The following HPS4 variants were observed in gnomAD, a reference collection of about 807,000 sequenced individuals.
The protein encoded by HPS4 is BLOC-3 complex member HPS4.
HPS4 carries 44 observed loss-of-function variants against 70.3 expected under a neutral mutation model. The observed-to-expected ratio is 0.63, with a 90% CI of 0.49 to 0.80. HPS4 has a LOEUF of 0.80. Among genes scored for constraint, HPS4 ranks in the 30% least tolerant of loss-of-function variants. HPS4 has a pLI of 0.00. For synonymous variants in HPS4, 377 were observed against 355.9 expected (o/e 1.06, Z -0.67); for missense variants, 873 against 884.4 (o/e 0.99, Z 0.16).
In HPS4 at chr22:26,464,393, C is replaced by T. The variant is rs370007632; in HGVS notation, c.1237G>A (p.Glu413Lys). 2 of 1,614,038 alleles carry T rather than the reference C, an allele frequency of 1.2e-6. No individual in the cohort carries two copies. The highest frequency in any genetic ancestry group is 1.3e-5 in the African/African-American group (1 of 74,924). ...GCTGTGTCCTCAGGAGGCGTGGGTT[C>T]CAGGCTGCTGGAGGCGCTGAGAGAT... ...KASLSASSSL[E>K]PTPPEDTAIS... Residue 413 changes from glutamate (E) to lysine (K), a missense_variant, in exon 11 of 14, where the codon GAA (glutamate) becomes AAA (lysine). Physicochemically the swap from Glu to Lys is moderately conservative, Grantham distance 56. Coordinates refer to ENST00000398145, the MANE Select transcript of HPS4 (RefSeq NM_022081.6).
intron 3 of HPS4, 100 bp downstream of exon 3, chr22:26,479,165 G>T: frequency 9.0e-7 from 1 of 1,112,010 alleles, no homozygotes; most frequent in Non-Finnish European, 1.4e-6. Context: ...TCATTGTCTG[G>T]ATTAGCCAAA....
At chr22:26,473,220 T>G (rs1313453460) in intron 4 of HPS4, among the ~76,000 whole-genome samples, 1 of 152,178 alleles carries the variant, frequency 6.6e-6, no homozygotes, top group Non-Finnish European at 1.5e-5. Context: ...TTTCAGTATC[T>G]CCATGAGGTC....
chr22:26,447,585 G>A (rs1011662258), downstream of HPS4, among the ~76,000 whole-genome samples: 4 of 152,142 alleles, frequency 2.6e-5, no homozygotes, highest in African/African-American at 9.7e-5. Context: ...CAGAGGCTAA[G>A]CACAGAATGA....
chr22:26,478,793 C>T (rs1192859188), intron 3 of HPS4, among the ~76,000 whole-genome samples: 1 of 151,936 alleles, frequency 6.6e-6, no homozygotes, highest in Non-Finnish European at 1.5e-5. Context: ...AAGCGATTCT[C>T]GTGCCTCAGC....
chr22:26,479,563 T>G, intron 2 of HPS4: 1 of 1,402,516 alleles, frequency 7.1e-7, no homozygotes, highest in Non-Finnish European at 9.2e-7. Context: ...AATATGCCTC[T>G]ATCCAGCCGT....
At chr22:26,466,024 A>T in intron 9 of HPS4, 1 of 1,518,060 alleles carries the variant, frequency 6.6e-7, no homozygotes, top group Non-Finnish European at 8.8e-7. Context: ...CAGGGATTTG[A>T]CAGCATGCCT....
At position 26,462,249 on chromosome 22, in the gene HPS4, C is replaced by T. The variant is rs370647353; in HGVS notation, c.1713+1668G>A. On this transcript the variant is annotated intron_variant, in intron 11 of 13. Transcript: ENST00000398145. Reference sequence around the variant, plus strand: ...CACAGAAGCCCATGGAGGCTGATGTCGTAACAGCATGGATAGACCTTGACA... The same window carrying T: ...CACAGAAGCCCATGGAGGCTGATGTTGTAACAGCATGGATAGACCTTGACA... 5.9e-5 allele frequency among the ~76,000 whole-genome samples: 9 copies of T among 152,212 alleles called. No homozygotes were observed. In the East Asian group the frequency reaches 9.6e-4, roughly 16 times the overall value.
rs2085480977 is a variant in HPS4 at position 26,453,149 on chromosome 22, A to G, written c.*84T>C. ...AAAAAAGGGAATGTTTTCAAGAAAA[A>G]TAAAATAGAGGGGCCTTTTCAATTA... On this transcript the variant is annotated 3_prime_UTR_variant, in exon 14 of 14. Transcript: ENST00000398145. The G allele has an allele frequency of 7.3e-7, 1 of 1,363,326 alleles. No individual in the cohort carries two copies. The highest frequency in any genetic ancestry group is 1.5e-5 in the African/African-American group (1 of 68,796). The allele number at this position is 1,363,326 out of a possible 1,614,324, so 84.5% of individuals were successfully genotyped here.
At chr22:26,453,578 AT>A in intron 13 of HPS4, 174 bp from the exon 14 acceptor site, 1 of 703,604 alleles carries the variant, frequency 1.4e-6, no homozygotes, top group East Asian at 2.7e-5. Context: ...TTCAGTGCCA[AT>A]ACCATCTTTC....
Position 26,453,057 on chromosome 22 carries a change from C to A in HPS4, c.*176G>T. ...GGGTCTGCCGACCTGAAGAACTAAC[C>A]CCTGCCCCCAAAACACATCCCAATC... On this transcript the variant is annotated 3_prime_UTR_variant, in exon 14 of 14. Coordinates refer to ENST00000398145, the MANE Select transcript of HPS4 (RefSeq NM_022081.6). The A allele has an allele frequency of 1.5e-6, 1 of 683,560 alleles. No individual in the cohort carries two copies. Among genetic ancestry groups the A allele is most frequent in the Non-Finnish European group, 2.5e-6 (1 of 402,410 alleles). 42.3% of individuals were successfully genotyped at this position (683,560 alleles called of 1,614,324 possible).
rs386395106 is a variant in HPS4, at chr22:26,457,210, C to CCTTTTTTTTTTTTTTTTTTTTTTTTTT, written c.1955+648_1955+649insAAAAAAAAAAAAAAAAAAAAAAAAAAG. The stretch of plus-strand genomic sequence containing the variant: ...ATGACTGTATGATCAGCACGTATTA[C>CCTTTTTTTTTTTTTTTTTTTTTTTTTT]TTTTTTTTTTTTTTTTTTTTTTCTG... On this transcript the variant is annotated intron_variant, in intron 13 of 13. Coordinates refer to ENST00000398145, the MANE Select transcript of HPS4 (RefSeq NM_022081.6). Among the ~76,000 whole-genome samples, 7 of 25,554 alleles carry CCTTTTTTTTTTTTTTTTTTTTTTTTTT rather than the reference C, an allele frequency of 2.7e-4. 2 individuals carry two copies. The highest frequency in any genetic ancestry group is 3.9e-4 in the Non-Finnish European group (3 of 7,608). The allele number at this position is 25,554 out of a possible 152,430, so 16.8% of individuals were successfully genotyped here. A position where few individuals can be genotyped will look rare whatever the true frequency, so the allele number is the denominator to read the frequency against.
intron 4 of HPS4, among the ~76,000 whole-genome samples, chr22:26,474,152 G>T (rs1476445148): frequency 6.6e-6 from 1 of 152,196 alleles, no homozygotes; most frequent in East Asian, 1.9e-4. Flanking sequence ...TAAGGTTGGA[G>T]AACTTATACT....
chr22:26,457,841 C>A lies in HPS4; in HGVS notation c.1955+18G>T, dbSNP rs149340443. On this transcript the variant is annotated intron_variant, in intron 13 of 13. Coordinates refer to ENST00000398145, the MANE Select transcript of HPS4 (RefSeq NM_022081.6). ...GGACCGTGGAGAGTAGGTTGGGGAG[C>A]GACTCAGGGAGGCTCACCTGACAGT... 39 of 1,590,038 alleles carry A rather than the reference C, an allele frequency of 2.5e-5. No homozygotes were observed. Among genetic ancestry groups the A allele is most frequent in the Non-Finnish European group, 3.1e-5 (36 of 1,158,416 alleles).
intron 11 of HPS4, among the ~76,000 whole-genome samples, chr22:26,459,298 G>C (rs1470987085): frequency 6.6e-6 from 1 of 152,216 alleles, no homozygotes; most frequent in East Asian, 1.9e-4. Context: ...ATGGGTTCAA[G>C]TACCTGTATT....
In HPS4 at chr22:26,453,078, C is replaced by T; in HGVS notation, c.*155G>A. Reference sequence around the variant, plus strand: ...TAACCCCTGCCCCCAAAACACATCCCAATCTGCAAAAGGAATAACAAAAAC... The same window carrying T: ...TAACCCCTGCCCCCAAAACACATCCTAATCTGCAAAAGGAATAACAAAAAC... On this transcript the variant is annotated 3_prime_UTR_variant, in exon 14 of 14. Coordinates refer to ENST00000398145, the MANE Select transcript of HPS4 (RefSeq NM_022081.6). 1.2e-6 allele frequency: 1 copy of T among 817,364 alleles called. No individual in the cohort carries two copies. Among genetic ancestry groups the T allele is most frequent in the Non-Finnish European group, 2.0e-6 (1 of 509,608 alleles). The allele number at this position is 817,364 out of a possible 1,614,324, so 50.6% of individuals were successfully genotyped here.
At chr22:26,483,047 A>G (rs1034981721) in intron 1 of HPS4, among the ~76,000 whole-genome samples, 3 of 152,226 alleles carry the variant, frequency 2.0e-5, no homozygotes, top group African/African-American at 2.4e-5. Flanking sequence ...CAGTTTGTTA[A>G]AAGTCTCTAG....
rs753411613 is a variant in HPS4 at position 26,479,196 on chromosome 22, T to C, written c.132+69A>G. On this transcript the variant is annotated intron_variant, in intron 3 of 13. Transcript: ENST00000398145. The stretch of plus-strand genomic sequence containing the variant: ...CCAAACTGTCCTAATGTAAACCCCA[T>C]ACTTTTGAAAAGTCACCACTTGGAG... The C allele has an allele frequency of 7.9e-4, 1,184 of 1,489,512 alleles. 2 individuals are homozygous for C. The highest frequency in any genetic ancestry group is 1.0e-3 in the Non-Finnish European group (1,098 of 1,068,158). The allele number at this position is 1,489,512 out of a possible 1,614,324, so 92.3% of individuals were successfully genotyped here.
chr22:26,455,726 T>TATA, intron 13 of HPS4, among the ~76,000 whole-genome samples: 1 of 151,690 alleles, frequency 6.6e-6, no homozygotes, highest in African/African-American at 2.4e-5. Flanking sequence ...CCCTAAAACT[T>TATA]ATAATAATAA....
chr22:26,470,098 CGCAATGGCCCTGCCTGCCCTGGGCTGTG>C (rs1569093524), intron 7 of HPS4, among the ~76,000 whole-genome samples: 1 of 152,264 alleles, frequency 6.6e-6, no homozygotes, highest in East Asian at 1.9e-4. Context: ...CCGGGCACAG[CGCAATGGCCCTGCCTGCCCTGGGCTGTG>C]ACAGCAAACC....
Sources: gnomAD v4.1 joint callset for allele counts (sites outside exome capture counted in the v4.1 genomes callset) on GRCh38, gnomAD v4.1.1 for gene constraint, MANE v1.5 for transcripts, NCBI Gene and HGNC (gene_info 2026-07-23, HGNC 2026-07-21) for gene names.